Variants in ZNRF1 observed in about 807,000 individuals in gnomAD.
The protein encoded by ZNRF1 is zinc and ring finger 1.
A neutral mutation model predicts 18.4 loss-of-function variants in ZNRF1; 3 were observed. That is an observed-to-expected ratio of 0.16 (90% CI 0.07 to 0.42). The LOEUF is 0.42. Among genes scored for constraint, ZNRF1 ranks in the 10% least tolerant of loss-of-function variants. ZNRF1 has a pLI of 0.99. For synonymous variants in ZNRF1, 157 were observed against 144.2 expected (o/e 1.09, Z -0.64); for missense variants, 310 against 329.8 (o/e 0.94, Z 0.47).
chr16:75,054,511 G>T (rs775822084), intron 1 of ZNRF1, among the ~76,000 whole-genome samples: 6 of 152,224 alleles, frequency 3.9e-5, no homozygotes, highest in South Asian at 2.1e-4. Context: ...GCAGGGAAGT[G>T]GGGGAAAGCT....
At chr16:75,010,732 T>TTTTG (rs2034989356) in intron 1 of ZNRF1, among the ~76,000 whole-genome samples, 1 of 144,940 alleles carries the variant, frequency 6.9e-6, no homozygotes, top group African/African-American at 2.5e-5. Flanking sequence ...TTTTTTTTTT[T>TTTTG]GAGGAGTCTC....
At chr16:75,082,463 C>T (rs1439325257) in intron 1 of ZNRF1, among the ~76,000 whole-genome samples, 3 of 152,228 alleles carry the variant, frequency 2.0e-5, no homozygotes, top group Non-Finnish European at 4.4e-5. Context: ...GATGTCTTCA[C>T]GCTCACCTCC....
chr16:75,010,704 T>TTTTTTTC (rs2034984644), intron 1 of ZNRF1, among the ~76,000 whole-genome samples: 1 of 39,794 alleles, frequency 2.5e-5, no homozygotes, highest in Non-Finnish European at 1.0e-4. Context: ...CTGTACTGTT[T>TTTTTTTC]TTTTTTGTTT....
intron 1 of ZNRF1, among the ~76,000 whole-genome samples, chr16:75,090,853 C>G (rs984572036): frequency 1.3e-5 from 2 of 152,242 alleles, no homozygotes; most frequent in South Asian, 4.1e-4. Flanking sequence ...CTCAGCACCC[C>G]GGGCCACCAG....
intron 1 of ZNRF1, among the ~76,000 whole-genome samples, chr16:75,046,511 A>C (rs9935848): frequency 0.021 from 3,129 of 152,052 alleles, 96 homozygotes; most frequent in African/African-American, 0.065. Context: ...TTGGCCTCCC[A>C]AAATGCTGAG....
At chr16:75,043,582 T>C (rs1261371546) in intron 1 of ZNRF1, among the ~76,000 whole-genome samples, 1 of 152,098 alleles carries the variant, frequency 6.6e-6, no homozygotes, top group African/African-American at 2.4e-5. Flanking sequence ...TCATTTTCAG[T>C]CCTGATAGAT....
At chr16:75,035,603 T>C (rs915272327) in intron 1 of ZNRF1, among the ~76,000 whole-genome samples, 1 of 152,194 alleles carries the variant, frequency 6.6e-6, no homozygotes, top group Non-Finnish European at 1.5e-5. Flanking sequence ...GGAAGTAAAG[T>C]ACACTTGGAA....
intron 1 of ZNRF1, among the ~76,000 whole-genome samples, chr16:75,018,841 A>G (rs1229661751): frequency 6.6e-6 from 1 of 151,964 alleles, no homozygotes; most frequent in Non-Finnish European, 1.5e-5. Flanking sequence ...TTCACTCATA[A>G]TTTTGTTATA....
intron 1 of ZNRF1, among the ~76,000 whole-genome samples, chr16:75,076,674 G>A (rs928851497): frequency 1.4e-5 from 2 of 147,092 alleles, no homozygotes; most frequent in African/African-American, 5.0e-5. Context: ...CATGTGCTAC[G>A]GACTGAATGT....
intron 1 of ZNRF1, among the ~76,000 whole-genome samples, chr16:75,029,177 C>G (rs1003434104): frequency 2.0e-5 from 3 of 150,554 alleles, no homozygotes; most frequent in Non-Finnish European, 4.4e-5. Flanking sequence ...GACGGAGTCT[C>G]GTGCTGTCGC....
intron 1 of ZNRF1, among the ~76,000 whole-genome samples, chr16:75,009,063 A>G (rs1354187217): frequency 6.6e-6 from 1 of 152,182 alleles, no homozygotes; most frequent in Non-Finnish European, 1.5e-5. Context: ...TGTCATCCCT[A>G]GAGCCACTTT....
chr16:75,069,319 A>G (rs1241223300), intron 1 of ZNRF1, among the ~76,000 whole-genome samples: 1 of 152,112 alleles, frequency 6.6e-6, no homozygotes, highest in Non-Finnish European at 1.5e-5. Context: ...TCCTGTATCC[A>G]CCATCTTTGC....
chr16:75,036,964 C>T (rs1298682049), intron 1 of ZNRF1, among the ~76,000 whole-genome samples: 2 of 152,188 alleles, frequency 1.3e-5, no homozygotes, highest in Non-Finnish European at 2.9e-5. Context: ...TGAGCATGAA[C>T]TTGACAGTTC....
At chr16:75,037,699 C>G (rs931423945) in intron 1 of ZNRF1, among the ~76,000 whole-genome samples, 3 of 152,140 alleles carry the variant, frequency 2.0e-5, no homozygotes, top group Admixed American at 2.0e-4. Flanking sequence ...TTCACCTTTT[C>G]TTCCATCTCC....
rs751824634 is a variant in ZNRF1 at position 74,999,936 on chromosome 16, G to A, written c.265G>A (p.Gly89Arg). 1 of 1,566,394 alleles carries A rather than the reference G, an allele frequency of 6.4e-7. No homozygotes were observed. The highest frequency in any genetic ancestry group is 8.6e-7 in the Non-Finnish European group (1 of 1,157,100). Residue 89 changes from glycine (G) to arginine (R), a missense_variant, in exon 1 of 5, where the codon GGA (glycine) becomes AGA (arginine). Physicochemically the swap from Gly to Arg is moderately radical, Grantham distance 125. Transcript: ENST00000335325. ...CGACTCCGAGAGGGCGCCCGGCGGC[G>A]GAGGGTCTGCGTCCGACTCCACCTA... ...TGDSERAPGG[G>R]GSASDSTYAH...
Position 75,026,327 on chromosome 16 carries a change from C to T in ZNRF1, c.424+26232C>T, listed in dbSNP as rs1597865423. Among the ~76,000 whole-genome samples, 3 of 152,016 alleles carry T rather than the reference C, an allele frequency of 2.0e-5. No homozygotes were observed. In the South Asian group the frequency reaches 6.2e-4, roughly 32 times the overall value. On this transcript the variant is annotated intron_variant, in intron 1 of 4. Transcript: ENST00000335325. The stretch of plus-strand genomic sequence containing the variant: ...GTGTGGGCAAGAGTAAAAGTACTGG[C>T]ATAGAACCTGGAAACAAGAGTTTAG...
chr16:75,058,034 G>C (rs1224898487), intron 1 of ZNRF1, among the ~76,000 whole-genome samples: 1 of 152,056 alleles, frequency 6.6e-6, no homozygotes, highest in Non-Finnish European at 1.5e-5. Context: ...AGGCCTGAGA[G>C]AGAACCGCAT....
chr16:75,015,630 C>T (rs975517775), intron 1 of ZNRF1, among the ~76,000 whole-genome samples: 1 of 152,160 alleles, frequency 6.6e-6, no homozygotes, highest in African/African-American at 2.4e-5. Context: ...GTTGCCCAGG[C>T]TGGACTGTAG....
intron 1 of ZNRF1, among the ~76,000 whole-genome samples, chr16:75,029,700 C>T (rs373573969): frequency 1.3e-5 from 2 of 151,908 alleles, no homozygotes; most frequent in African/African-American, 2.4e-5. Context: ...ACCTAGGAGG[C>T]GGAGGTTGCA....
Sources: allele counts gnomAD v4.1 joint callset (sites outside exome capture counted in the v4.1 genomes callset), GRCh38; gene constraint gnomAD v4.1.1; transcripts MANE v1.5; gene names NCBI Gene and HGNC (gene_info 2026-07-23, HGNC 2026-07-21).